PHACTR2: variants seen among roughly 807,000 people sequenced by gnomAD.
PHACTR2 encodes the protein phosphatase and actin regulator 2.
In PHACTR2, 30 loss-of-function variants were observed where a neutral mutation model predicts 76.0. The ratio of observed to expected loss-of-function variants is 0.39; its 90% CI spans 0.30 to 0.54. The LOEUF is 0.54. Ranked by LOEUF, PHACTR2 falls within the 20% of genes least tolerant of loss-of-function variation. The pLI, the probability that PHACTR2 is intolerant of heterozygous loss-of-function variation, is 0.61. For synonymous variants in PHACTR2, 292 were observed against 292.5 expected (o/e 1.00, Z 0.02); for missense variants, 696 against 781.1 (o/e 0.89, Z 1.30).
rs573910468 is a variant in PHACTR2 at position 143,764,895 on chromosome 6, T to C, written c.695-366T>C. Among the ~76,000 whole-genome samples, 7 of 152,376 alleles carry C rather than the reference T, an allele frequency of 4.6e-5. No individual in the cohort carries two copies. The East Asian group carries it at 1.3e-3, about 29-fold the overall frequency. On this transcript the variant is annotated intron_variant, in intron 5 of 12. Transcript: ENST00000440869. The surrounding 1 kb of genome is among the most constrained non-coding windows in gnomAD (Gnocchi z 4.7). Reference sequence around the variant, plus strand: ...TGTGCTACACCCAGCTAGCTGCTGATGTCTGTCCTTTACGCACCATAACAT... The same window carrying C: ...TGTGCTACACCCAGCTAGCTGCTGACGTCTGTCCTTTACGCACCATAACAT...
rs1257587632 is a variant in PHACTR2 at position 143,550,613 on chromosome 6, G to T, written c.217+13406G>T. ...AACTTTTACCTACAAAAAATATTTT[G>T]CTTCAAGAGTGTCCATATGAATTGG... is the stretch of plus-strand genomic sequence containing the variant. On this transcript the variant is annotated intron_variant, in intron 1 of 11. Coordinates refer to the PHACTR2 transcript ENST00000367584. The surrounding 1 kb of genome is among the most constrained non-coding windows in gnomAD (Gnocchi z 4.8). 2.6e-5 allele frequency among the ~76,000 whole-genome samples: 4 copies of T among 151,952 alleles called. No homozygotes were observed. Among genetic ancestry groups the T allele is most frequent in the Non-Finnish European group, 5.9e-5 (4 of 67,954 alleles).
rs1334196339 is a variant in PHACTR2, at chr6:143,795,580, T to C, written c.1845+6670T>C. ...AGAGAGGTGAGGTCAGAGAAGGCCA[T>C]TGAATTGGCCTGAAGACCTAGGCTT... On this transcript the variant is annotated intron_variant, in intron 11 of 12. Transcript: ENST00000440869. This position sits in a 1 kb window ranked among gnomAD's most constrained non-coding sequence, Gnocchi z 4.8. Among the ~76,000 whole-genome samples, 2 of 152,150 alleles carry C rather than the reference T, an allele frequency of 1.3e-5. No homozygotes were observed. The highest frequency in any genetic ancestry group is 1.9e-4 in the East Asian group (1 of 5,190).
chr6:143,731,975 A>G lies in PHACTR2; in HGVS notation c.215-17010A>G, dbSNP rs143187336. 1.0e-2 allele frequency among the ~76,000 whole-genome samples: 1,523 copies of G among 152,338 alleles called. 13 individuals carry two copies. The highest frequency in any genetic ancestry group is 0.024 in the Middle Eastern group (7 of 294). ...CCTCTGGTGCTTTGAAATGGAAAAG[A>G]AAGTGAAACTTTTCCTCTAGATTTC... On this transcript the variant is annotated intron_variant, in intron 2 of 12. Coordinates refer to ENST00000440869, the MANE Select transcript of PHACTR2 (RefSeq NM_001100164.2). This position sits in a 1 kb window ranked among gnomAD's most constrained non-coding sequence, Gnocchi z 4.9.
chr6:143,586,050 A>AT (rs1035756126), intron 1 of PHACTR2, among the ~76,000 whole-genome samples: 13 of 151,996 alleles, frequency 8.6e-5, no homozygotes, highest in East Asian at 1.9e-4. Flanking sequence ...TGTTATTGTT[A>AT]TTTTTTTTCT....
At position 143,555,781 on chromosome 6, in the gene PHACTR2, G is replaced by T. The variant is rs1775164948; in HGVS notation, c.217+18574G>T. ...ATCGTGTGAATTGTCTTATTGTTTT[G>T]GTGAAATGTTGACGCTACCACCTAC... On this transcript the variant is annotated intron_variant, in intron 1 of 11. Coordinates refer to the PHACTR2 transcript ENST00000367584. Among the ~76,000 whole-genome samples the T allele has an allele frequency of 2.6e-5, 4 of 151,774 alleles. No homozygotes were observed. In the South Asian group the frequency reaches 8.3e-4, roughly 32 times the overall value.
chr6:143,584,980 T>TAA lies in PHACTR2; in HGVS notation c.217+47789_217+47790dup, dbSNP rs34747367. Among the ~76,000 whole-genome samples, 168 of 138,514 alleles carry TAA rather than the reference T, an allele frequency of 1.2e-3. 1 individual carries two copies. The highest frequency in any genetic ancestry group is 2.0e-3 in the Admixed American group (27 of 13,586). The allele number at this position is 138,514 out of a possible 152,430, so 90.9% of individuals were successfully genotyped here. A position where few individuals can be genotyped will look rare whatever the true frequency, so the allele number is the denominator to read the frequency against. On this transcript the variant is annotated intron_variant, in intron 1 of 11. Transcript: ENST00000367584. ...AGACCCTGGCTGGTCCTACCCAGAT[T>TAA]AAAAAAAAAAAAAAAAAGCTATAGG...
At position 143,774,703 on chromosome 6, in the gene PHACTR2, G is replaced by A. The variant is rs1338612092; in HGVS notation, c.1589+488G>A. 6.6e-6 allele frequency among the ~76,000 whole-genome samples: 1 copy of A among 152,224 alleles called. No homozygotes were observed. The highest frequency in any genetic ancestry group is 2.4e-5 in the African/African-American group (1 of 41,468). On this transcript the variant is annotated intron_variant, in intron 8 of 12. Transcript: ENST00000440869. This position sits in a 1 kb window ranked among gnomAD's most constrained non-coding sequence, Gnocchi z 5.4. ...GCCATGAGGTTCTGCCCTGTGGACT[G>A]TGAGACTGCAGAAATATTATTTGCC...
intron 2 of PHACTR2, among the ~76,000 whole-genome samples, chr6:143,727,209 G>T (rs1778592231): frequency 6.6e-6 from 1 of 151,994 alleles, no homozygotes; most frequent in Non-Finnish European, 1.5e-5. Context: ...ACATGTATTT[G>T]TCTTCCTGTG....
Position 143,561,972 on chromosome 6 carries a change from A to G in PHACTR2, c.217+24765A>G, listed in dbSNP as rs1775283823. On this transcript the variant is annotated intron_variant, in intron 1 of 11. Coordinates refer to the PHACTR2 transcript ENST00000367584. The surrounding 1 kb of genome is among the most constrained non-coding windows in gnomAD (Gnocchi z 4.1). ...TCCTCTCTTTTTGCCCCATGTCTTG[A>G]CATGAGTGGTTCCTTTGCTTGGAGG... 6.6e-6 allele frequency: 1 copy of G among 152,182 alleles called. No individual in the cohort carries two copies. Among genetic ancestry groups the G allele is most frequent in the Non-Finnish European group, 1.5e-5 (1 of 68,060 alleles). 9.4% of individuals were successfully genotyped at this position (152,182 alleles called of 1,614,324 possible).
chr6:143,563,316 G>C lies in PHACTR2; in HGVS notation c.217+26109G>C, dbSNP rs181426181. ...CCGGGGGCTCAAGCCTGTACTCCCA[G>C]CACTTTGAGAGGCCGAGGTGGGTGG... is the stretch of plus-strand genomic sequence containing the variant. On this transcript the variant is annotated intron_variant, in intron 1 of 11. Coordinates refer to the PHACTR2 transcript ENST00000367584. 7.2e-5 allele frequency among the ~76,000 whole-genome samples: 11 copies of C among 152,234 alleles called. No homozygotes were observed. In the Middle Eastern group the frequency reaches 0.01, roughly 141 times the overall value.
In PHACTR2 at chr6:143,788,875, G is replaced by C; in HGVS notation, c.1810G>C (p.Asp604His). The change falls in exon 11 of 13, where the codon GAC (aspartate) becomes CAC (histidine). Residue 604 changes from aspartate (D) to histidine (H), a missense_variant. Physicochemically the swap from Asp to His is moderately conservative, Grantham distance 81. Transcript: ENST00000440869. ...TDSPDYDRRA[D>H]KPWARLTPAD... ...TTCTCCTGACTATGACCGCCGAGCAGACAAGCCCTGGGCCAGGTTAACACC... is the reference window on the plus strand; with the variant it reads ...TTCTCCTGACTATGACCGCCGAGCACACAAGCCCTGGGCCAGGTTAACACC... 1 of 1,613,524 alleles carries C rather than the reference G, an allele frequency of 6.2e-7. No individual in the cohort carries two copies. The highest frequency in any genetic ancestry group is 8.5e-7 in the Non-Finnish European group (1 of 1,179,510).
chr6:143,766,174 CA>C (rs1277269620), intron 6 of PHACTR2, among the ~76,000 whole-genome samples: 1 of 152,192 alleles, frequency 6.6e-6, no homozygotes, highest in Non-Finnish European at 1.5e-5. Context: ...TCCCCTTCAC[CA>C]AGAACATAAA....
At position 143,578,269 on chromosome 6, in the gene PHACTR2, T is replaced by G. The variant is rs150551636; in HGVS notation, c.217+41062T>G. On this transcript the variant is annotated intron_variant, in intron 1 of 11. Coordinates refer to the PHACTR2 transcript ENST00000367584. The surrounding 1 kb of genome is among the most constrained non-coding windows in gnomAD (Gnocchi z 4.5). ...TCATAGCCAGATTTAGCAGTTCCCC[T>G]TTGTCAGTGCAATGCCTCATCCTCC... Among the ~76,000 whole-genome samples, 250 of 152,244 alleles carry G rather than the reference T, an allele frequency of 1.6e-3. No individual in the cohort carries two copies. The highest frequency in any genetic ancestry group is 5.6e-3 in the South Asian group (27 of 4,810).
chr6:143,637,136 G>A (rs1562255256), intron 1 of PHACTR2, among the ~76,000 whole-genome samples: 1 of 152,166 alleles, frequency 6.6e-6, no homozygotes, highest in African/African-American at 2.4e-5. Context: ...TGACTAACCG[G>A]GGGTGGTGCA....
intron 2 of PHACTR2, among the ~76,000 whole-genome samples, chr6:143,732,662 A>C (rs1320823837): frequency 2.6e-5 from 4 of 152,282 alleles, no homozygotes; most frequent in Non-Finnish European, 5.9e-5. Context: ...TAGAAATGGA[A>C]TTGCTTAGTC....
Position 143,830,209 on chromosome 6 carries a change from G to A in PHACTR2, c.*6520G>A, listed in dbSNP as rs1236973151. 2 of 150,978 alleles carry A rather than the reference G, an allele frequency of 1.3e-5. No homozygotes were observed. The highest frequency in any genetic ancestry group is 4.9e-5 in the African/African-American group (2 of 41,044). The allele number at this position is 150,978 out of a possible 1,614,324, so 9.4% of individuals were successfully genotyped here. A position where few individuals can be genotyped will look rare whatever the true frequency, so the allele number is the denominator to read the frequency against. ...AACATTTCTTCTGTGGCTTAGAAATGTGCCAGTGTGTTCAAAACATTTACA... is the reference window on the plus strand; with the variant it reads ...AACATTTCTTCTGTGGCTTAGAAATATGCCAGTGTGTTCAAAACATTTACA... On this transcript the variant is annotated 3_prime_UTR_variant, in exon 13 of 13. Transcript: ENST00000440869.
rs1430640587 is a variant in PHACTR2 at position 143,658,985 on chromosome 6, C to T, written c.13+50663C>T. On this transcript the variant is annotated intron_variant, in intron 1 of 11. Coordinates refer to the PHACTR2 transcript ENST00000305766. The surrounding 1 kb of genome is among the most constrained non-coding windows in gnomAD (Gnocchi z 4.1). ...GCTGAAGTGAGCTGAGATCATGCCA[C>T]TGCACTCCAGCCTGGGCAACAAAGC... Among the ~76,000 whole-genome samples, 1 of 150,486 alleles carries T rather than the reference C, an allele frequency of 6.6e-6. No individual in the cohort carries two copies. The highest frequency in any genetic ancestry group is 2.5e-5 in the African/African-American group (1 of 40,708).
chr6:143,604,365 C>T (rs1775843943), upstream of PHACTR2, among the ~76,000 whole-genome samples: 1 of 152,204 alleles, frequency 6.6e-6, no homozygotes, highest in South Asian at 2.1e-4. Context: ...GATTCCAATT[C>T]ATCCTCTAAA....
chr6:143,795,497 A>C lies in PHACTR2; in HGVS notation c.1845+6587A>C, dbSNP rs2128481057. Among the ~76,000 whole-genome samples the C allele has an allele frequency of 6.6e-6, 1 of 152,358 alleles. No individual in the cohort carries two copies. Among genetic ancestry groups the C allele is most frequent in the Non-Finnish European group, 1.5e-5 (1 of 68,042 alleles). On this transcript the variant is annotated intron_variant, in intron 11 of 12. Coordinates refer to ENST00000440869, the MANE Select transcript of PHACTR2 (RefSeq NM_001100164.2). This position sits in a 1 kb window ranked among gnomAD's most constrained non-coding sequence, Gnocchi z 4.8. ...TAGAAACAGATATATGTACAGTAAA[A>C]TAGAGATGGCCTGGTTTCCTGCACT...
Sources: allele counts gnomAD v4.1 joint callset (sites outside exome capture counted in the v4.1 genomes callset), GRCh38; gene constraint gnomAD v4.1.1; non-coding constraint Gnocchi (gnomAD v3.1); transcripts MANE v1.5; gene names NCBI Gene and HGNC (gene_info 2026-07-23, HGNC 2026-07-21).